Variants in AMZ1 observed in about 807,000 individuals in gnomAD.
AMZ1 encodes the protein archaelysin family metallopeptidase 1.
Under a neutral mutation model 29.9 loss-of-function variants are expected in AMZ1, and 39 were observed. The ratio of observed to expected loss-of-function variants is 1.30; its 90% CI spans 1.01 to 1.70. The LOEUF (loss-of-function observed/expected upper bound fraction) is 1.70, where lower values mean the gene tolerates loss of function less well. Ranked by LOEUF, AMZ1 falls within the 40% of genes most tolerant of loss-of-function variation. The pLI is 0.00. For missense variants in AMZ1, 1,041 were observed against 680.6 expected, an observed-to-expected ratio of 1.53 and a Z score of -5.89; for synonymous variants, 458 against 304.0, an observed-to-expected ratio of 1.51 and a Z score of -5.27.
chr7:2,725,163 G>C (rs1030443070), intron 4 of AMZ1, among the ~76,000 whole-genome samples: 16 of 152,212 alleles, frequency 1.1e-4, no homozygotes, highest in Admixed American at 7.8e-4. Flanking sequence ...AAGCTTATCT[G>C]CCAGGGACTA....
intron 4 of AMZ1, among the ~76,000 whole-genome samples, chr7:2,756,055 A>G (rs1360116233): frequency 6.6e-6 from 1 of 152,228 alleles, no homozygotes; most frequent in Non-Finnish European, 1.5e-5. Flanking sequence ...ACCAACTTTC[A>G]ACTTGCTAGA....
chr7:2,754,558 C>G (rs1326990980), intron 4 of AMZ1, among the ~76,000 whole-genome samples: 3 of 149,052 alleles, frequency 2.0e-5, no homozygotes, highest in Non-Finnish European at 4.4e-5. Context: ...ACCTGGGCAA[C>G]ATAGTGAGAC....
Position 2,698,912 on chromosome 7 carries a change from C to T in AMZ1, c.-218-1322C>T, listed in dbSNP as rs144727417. 3.1e-3 allele frequency among the ~76,000 whole-genome samples: 471 copies of T among 152,238 alleles called. 3 individuals carry two copies. Among genetic ancestry groups the T allele is most frequent in the African/African-American group, 0.01 (434 of 41,530 alleles). On this transcript the variant is annotated intron_variant, in intron 1 of 6. Coordinates refer to ENST00000683327, the MANE Select transcript of AMZ1 (RefSeq NM_001384743.1). The stretch of plus-strand genomic sequence containing the variant: ...AAAAACATAGCTGTTTCTGGTTTTC[C>T]GGCTAGGACTGGCAGGTCTTGCAAC...
In AMZ1 at chr7:2,735,238, C is replaced by G. The variant is rs537122062; in HGVS notation, n.550+25422C>G. Among the ~76,000 whole-genome samples the G allele has an allele frequency of 2.6e-5, 4 of 152,368 alleles. No individual in the cohort carries two copies. The South Asian group carries it at 8.3e-4, about 32-fold the overall frequency. On this transcript the variant is annotated intron_variant and non_coding_transcript_variant, in intron 4 of 4. Coordinates refer to the AMZ1 transcript ENST00000489665. Reference sequence around the variant, plus strand: ...CAAGAAGCATCAGCATACTGTCCCTCCCTCTCCTGTGGCCACGGGCTCCCC... The same window carrying G: ...CAAGAAGCATCAGCATACTGTCCCTGCCTCTCCTGTGGCCACGGGCTCCCC...
chr7:2,763,101 A>T, upstream of AMZ1: 1 of 1,248,450 alleles, frequency 8.0e-7, no homozygotes, highest in South Asian at 3.7e-5. Flanking sequence ...GACCACAAGC[A>T]GCCTCTGAAG....
intron 4 of AMZ1, among the ~76,000 whole-genome samples, chr7:2,751,220 C>T (rs1038731511): frequency 8.6e-5 from 13 of 151,070 alleles, no homozygotes; most frequent in African/African-American, 3.2e-4. Context: ...CCCATCTTCT[C>T]AAAAAAAACC....
At chr7:2,750,756 A>G (rs1790993930) in intron 4 of AMZ1, among the ~76,000 whole-genome samples, 1 of 152,224 alleles carries the variant, frequency 6.6e-6, no homozygotes, top group Non-Finnish European at 1.5e-5. Flanking sequence ...AAGGGGGACT[A>G]TCGGACAGGC....
At chr7:2,733,533 T>C in intron 4 of AMZ1, 1 of 1,578,994 alleles carries the variant, frequency 6.3e-7, no homozygotes, top group Non-Finnish European at 8.7e-7. Flanking sequence ...CACAGCTCAG[T>C]CTGGACTGAG....
intron 2 of AMZ1, among the ~76,000 whole-genome samples, chr7:2,701,101 C>T (rs1788029208): frequency 6.6e-6 from 1 of 152,154 alleles, no homozygotes; most frequent in African/African-American, 2.4e-5. Flanking sequence ...TGTGGTGGTG[C>T]ACACCTGTAA....
chr7:2,710,158 T>C (rs1405668352), intron 6 of AMZ1, among the ~76,000 whole-genome samples: 1 of 152,094 alleles, frequency 6.6e-6, no homozygotes, highest in Non-Finnish European at 1.5e-5. Flanking sequence ...TTCTCTTTGC[T>C]TTCCCGTCAC....
upstream of AMZ1, among the ~76,000 whole-genome samples, chr7:2,763,554 G>A (rs561458746): frequency 6.6e-6 from 1 of 152,298 alleles, no homozygotes; most frequent in African/African-American, 2.4e-5. Flanking sequence ...AATTCTCAAT[G>A]GTCCTGTAAT....
intron 4 of AMZ1, among the ~76,000 whole-genome samples, chr7:2,748,676 A>G (rs1678522584): frequency 1.3e-5 from 2 of 152,312 alleles, no homozygotes; most frequent in Admixed American, 1.3e-4. Context: ...TAATTAAACT[A>G]AAGAGTTTCT....
intron 4 of AMZ1, among the ~76,000 whole-genome samples, chr7:2,725,956 C>T (rs530145316): frequency 2.3e-4 from 35 of 152,356 alleles, no homozygotes; most frequent in African/African-American, 8.2e-4. Flanking sequence ...TCTGGACCAG[C>T]TCCCCTGAAC....
upstream of AMZ1, among the ~76,000 whole-genome samples, chr7:2,686,001 A>C (rs375698504): frequency 1.0e-3 from 159 of 152,318 alleles, no homozygotes; most frequent in African/African-American, 3.7e-3. Flanking sequence ...GTAGGAATTT[A>C]TCCCAAGGTG....
At chr7:2,726,912 C>G (rs1408415218) in intron 4 of AMZ1, among the ~76,000 whole-genome samples, 38 of 152,178 alleles carry the variant, frequency 2.5e-4, no homozygotes, top group Non-Finnish European at 5.9e-5. Context: ...ACCTGCCATC[C>G]CCATGGGCAC....
At chr7:2,700,779 G>A (rs368867595) in intron 2 of AMZ1, 24 bp downstream of exon 2, 6 of 1,605,094 alleles carry the variant, frequency 3.7e-6, no homozygotes, top group South Asian at 2.2e-5. Flanking sequence ...GCAGCCATCG[G>A]CACGCTCCTG....
upstream of AMZ1, among the ~76,000 whole-genome samples, chr7:2,685,396 A>G (rs1413607345): frequency 6.6e-6 from 1 of 151,470 alleles, no homozygotes; most frequent in Non-Finnish European, 1.5e-5. Context: ...TGTCCTTCCT[A>G]AAAATACAAA....
rs184008110 is a variant in AMZ1, at chr7:2,746,113, A to G, written n.551-18599A>G. Among the ~76,000 whole-genome samples the G allele has an allele frequency of 3.5e-3, 533 of 152,326 alleles. 5 individuals carry two copies. Among genetic ancestry groups the G allele is most frequent in the Admixed American group, 6.5e-3 (100 of 15,302 alleles). On this transcript the variant is annotated intron_variant and non_coding_transcript_variant, in intron 4 of 4. Coordinates refer to the AMZ1 transcript ENST00000489665. ...ACTGTCAACATTAGACAGATCAACG[A>G]GACAGAAAGTTAACAAGGATACCCA...
chr7:2,712,884 C>G lies in AMZ1; in HGVS notation c.*6C>G, dbSNP rs1406816121. On this transcript the variant is annotated 3_prime_UTR_variant, in exon 7 of 7. Transcript: ENST00000683327. ...GGGATGGGGAAGAGAGTTAGTACAG[C>G]AGGGGCTGCCCTACGTCTCCTTCCC... 1 of 1,513,008 alleles carries G rather than the reference C, an allele frequency of 6.6e-7. No individual in the cohort carries two copies. 93.7% of individuals were successfully genotyped at this position (1,513,008 alleles called of 1,614,324 possible).
Sources: gnomAD v4.1 joint callset for allele counts (sites outside exome capture counted in the v4.1 genomes callset) on GRCh38, gnomAD v4.1.1 for gene constraint, MANE v1.5 for transcripts, NCBI Gene and HGNC (gene_info 2026-07-23, HGNC 2026-07-21) for gene names.